ABCA1: variants seen among roughly 807,000 people sequenced by gnomAD.
The protein encoded by ABCA1 is phospholipid-transporting ATPase ABCA1.
In ABCA1, 133 loss-of-function variants were observed where a neutral mutation model predicts 262.5. The observed-to-expected ratio is 0.51, with a 90% CI of 0.44 to 0.59. ABCA1 has a LOEUF of 0.59. ABCA1 is among the 20% of genes least tolerant of loss of function. The pLI is 0.00. For missense variants in ABCA1, 2,452 were observed against 2,777.5 expected (o/e 0.88, Z 2.63); for synonymous variants, 1,022 against 1,043.5 (o/e 0.98, Z 0.40).
intron 30 of ABCA1, among the ~76,000 whole-genome samples, chr9:104,807,385 T>C (rs1489599900): frequency 6.6e-6 from 1 of 152,212 alleles, no homozygotes; most frequent in Non-Finnish European, 1.5e-5. Flanking sequence ...CCCTGCTCTT[T>C]TGGGGGCTTA....
intron 5 of ABCA1, among the ~76,000 whole-genome samples, chr9:104,862,692 G>GACCCCCA (rs1836703297): frequency 8.4e-4 from 1 of 1,192 alleles, no homozygotes; most frequent in Admixed American, 9.8e-3. Context: ...GCCGGGCCGG[G>GACCCCCA]CCGGGCCGGC....
At chr9:104,894,774 T>C (rs1305676196) in intron 2 of ABCA1, among the ~76,000 whole-genome samples, 1 of 152,236 alleles carries the variant, frequency 6.6e-6, no homozygotes, top group Non-Finnish European at 1.5e-5. Flanking sequence ...GACTAGCATG[T>C]ATGAGTGAAT....
In ABCA1 at chr9:104,810,931, C is replaced by A; in HGVS notation, c.4051-7G>T. On this transcript the variant is annotated splice_region_variant and splice_polypyrimidine_tract_variant and intron_variant, in intron 28 of 49. Coordinates refer to ENST00000374736, the MANE Select transcript of ABCA1 (RefSeq NM_005502.4). Reference sequence around the variant, plus strand: ...ACACAGCTGGCAAGACAATCTTTACCCAGGCAGTGGAGGGGGCAGGGGGAC... The same window carrying A: ...ACACAGCTGGCAAGACAATCTTTACACAGGCAGTGGAGGGGGCAGGGGGAC... 1 of 1,614,124 alleles carries A rather than the reference C, an allele frequency of 6.2e-7. No individual in the cohort carries two copies. The highest frequency in any genetic ancestry group is 1.1e-5 in the South Asian group (1 of 91,074).
chr9:104,904,597 C>T (rs1289321217), intron 1 of ABCA1, among the ~76,000 whole-genome samples: 5 of 149,740 alleles, frequency 3.3e-5, no homozygotes, highest in African/African-American at 7.3e-5. Context: ...ATCAATAAAG[C>T]AGTTTCCTAA....
intron 5 of ABCA1, among the ~76,000 whole-genome samples, chr9:104,879,739 C>T (rs1838466233): frequency 2.0e-5 from 3 of 152,292 alleles, no homozygotes; most frequent in Middle Eastern, 3.4e-3. Flanking sequence ...ATGCCTAATA[C>T]AATCTCAGAC....
chr9:104,888,278 T>C (rs1434292550), intron 3 of ABCA1, among the ~76,000 whole-genome samples: 1 of 152,084 alleles, frequency 6.6e-6, no homozygotes, highest in Admixed American at 6.6e-5. Flanking sequence ...AGCTGCTTAG[T>C]GGTAGGAAAA....
intron 34 of ABCA1, among the ~76,000 whole-genome samples, chr9:104,801,620 C>A (rs998066035): frequency 6.6e-6 from 1 of 152,142 alleles, no homozygotes; most frequent in Non-Finnish European, 1.5e-5. Context: ...TGGCTCACTA[C>A]AACCTCTTCC....
At chr9:104,826,895 C>T in intron 16 of ABCA1, 53 bp downstream of exon 16, 1 of 1,537,220 alleles carries the variant, frequency 6.5e-7, no homozygotes, top group South Asian at 1.1e-5. Context: ...TTCAGGGACT[C>T]CAAAGGAAGG....
rs1037472038 is a variant in ABCA1, at chr9:104,794,252, C to T, written c.5506+135G>A. 4 of 1,362,406 alleles carry T rather than the reference C, an allele frequency of 2.9e-6. No individual in the cohort carries two copies. The African/African-American group carries it at 5.7e-5, about 19-fold the overall frequency. 84.4% of individuals were successfully genotyped at this position (1,362,406 alleles called of 1,614,324 possible). ...ACAACCAGCTGTGTTGGCATGAGCCCTGTCACTGGGCATGGGGGTGGGGGA... is the reference window on the plus strand; with the variant it reads ...ACAACCAGCTGTGTTGGCATGAGCCTTGTCACTGGGCATGGGGGTGGGGGA... On this transcript the variant is annotated intron_variant, in intron 40 of 49. Transcript: ENST00000374736.
At chr9:104,877,194 T>G (rs1009400464) in intron 5 of ABCA1, among the ~76,000 whole-genome samples, 27 of 152,220 alleles carry the variant, frequency 1.8e-4, no homozygotes, top group African/African-American at 6.3e-4. Context: ...ATCATTATTA[T>G]TCGTAGGCTC....
rs1830181960 is a variant in ABCA1, at chr9:104,799,765, T to C, written c.4943+54A>G. Reference sequence around the variant, plus strand: ...TGAGATTCACATTTTTCTCCCCTTCTCCATAACCCTCTCCCTTGCCCCACT... The same window carrying C: ...TGAGATTCACATTTTTCTCCCCTTCCCCATAACCCTCTCCCTTGCCCCACT... On this transcript the variant is annotated intron_variant, in intron 36 of 49. Coordinates refer to ENST00000374736, the MANE Select transcript of ABCA1 (RefSeq NM_005502.4). The C allele has an allele frequency of 2.5e-6, 4 of 1,613,794 alleles. No homozygotes were observed. The Admixed American group carries it at 5.0e-5, about 20-fold the overall frequency.
intron 5 of ABCA1, among the ~76,000 whole-genome samples, chr9:104,863,681 G>A (rs542461234): frequency 2.0e-5 from 3 of 152,356 alleles, no homozygotes; most frequent in East Asian, 3.9e-4. Context: ...GATTTACATC[G>A]CTAGAGAAAT....
At chr9:104,876,549 G>A (rs988069615) in intron 5 of ABCA1, among the ~76,000 whole-genome samples, 2 of 152,140 alleles carry the variant, frequency 1.3e-5, no homozygotes, top group African/African-American at 2.4e-5. Flanking sequence ...ATGCCTGAGC[G>A]GAAATGTTCA....
chr9:104,908,843 G>A (rs900777352), intron 1 of ABCA1, among the ~76,000 whole-genome samples: 5 of 152,152 alleles, frequency 3.3e-5, no homozygotes, highest in Admixed American at 3.3e-4. Context: ...TGAAATGAAG[G>A]GGACAGAAAT....
intron 5 of ABCA1, among the ~76,000 whole-genome samples, chr9:104,867,028 A>G (rs926913052): frequency 6.6e-6 from 1 of 152,238 alleles, no homozygotes; most frequent in Non-Finnish European, 1.5e-5. Context: ...TGAATAAATT[A>G]ATGACCTGAT....
chr9:104,919,543 C>A (rs1016630327), intron 1 of ABCA1, among the ~76,000 whole-genome samples: 1 of 151,856 alleles, frequency 6.6e-6, no homozygotes, highest in African/African-American at 2.4e-5. Context: ...ATCTGGGAGG[C>A]GGAAGTTGCA....
intron 1 of ABCA1, among the ~76,000 whole-genome samples, chr9:104,924,746 T>C (rs1224424334): frequency 6.6e-6 from 1 of 152,208 alleles, no homozygotes; most frequent in Non-Finnish European, 1.5e-5. Context: ...TGTTCACTTA[T>C]TCTAGCAGCT....
intron 18 of ABCA1, 36 bp downstream of exon 18, chr9:104,824,429 A>G (rs1216513334): frequency 1.2e-6 from 2 of 1,613,556 alleles, no homozygotes; most frequent in Admixed American, 1.7e-5. Context: ...CAGCAGCACT[A>G]GGTTAAAGAA....
intron 2 of ABCA1, among the ~76,000 whole-genome samples, chr9:104,893,430 AAAAAAAAAAAAAAAAAAAAAAAG>A (rs1839938893): frequency 9.0e-6 from 1 of 110,956 alleles, no homozygotes; most frequent in African/African-American, 3.6e-5. Context: ...TCAAAAAAAA[AAAAAAAAAAAAAAAAAAAAAAAG>A]AAAAGAAAAT....
Sources: allele counts gnomAD v4.1 joint callset (sites outside exome capture counted in the v4.1 genomes callset), GRCh38; gene constraint gnomAD v4.1.1; transcripts MANE v1.5; gene names NCBI Gene and HGNC (gene_info 2026-07-23, HGNC 2026-07-21).